Variants in CADM2 observed in about 807,000 individuals in gnomAD.
CADM2 encodes immunoglobulin superfamily member 4D.
A neutral mutation model predicts 49.8 loss-of-function variants in CADM2; 12 were observed. That is an observed-to-expected ratio of 0.24 (90% CI 0.15 to 0.39). CADM2 has a LOEUF of 0.39. Among genes scored for constraint, CADM2 ranks in the 10% least tolerant of loss-of-function variants. CADM2 has a pLI of 1.00. For synonymous variants in CADM2, 214 were observed against 175.4 expected, an observed-to-expected ratio of 1.22 and a Z score of -1.74; for missense variants, 378 against 492.3, an observed-to-expected ratio of 0.77 and a Z score of 2.20.
At position 85,864,750 on chromosome 3, in the gene CADM2, C is replaced by T. The variant is rs141834066; in HGVS notation, c.239-18541C>T. Among the ~76,000 whole-genome samples the T allele has an allele frequency of 8.3e-3, 1,265 of 152,242 alleles. 16 individuals carry two copies. The highest frequency in any genetic ancestry group is 0.031 in the Middle Eastern group (9 of 294). On this transcript the variant is annotated intron_variant, in intron 3 of 9. Coordinates refer to ENST00000383699, the MANE Select transcript of CADM2 (RefSeq NM_001167675.2). ...TTTATGTCAATGGAAATTATTCCTTCGTTTATCACTGGAAGCATCTTAAAC... is the reference window on the plus strand; with the variant it reads ...TTTATGTCAATGGAAATTATTCCTTTGTTTATCACTGGAAGCATCTTAAAC...
chr3:85,278,689 T>C (rs2043418298), intron 1 of CADM2, among the ~76,000 whole-genome samples: 1 of 149,666 alleles, frequency 6.7e-6, no homozygotes. Flanking sequence ...TCAGAGACGG[T>C]GTATGAAATG....
chr3:84,999,252 T>C (rs2033333541), intron 1 of CADM2, among the ~76,000 whole-genome samples: 1 of 152,160 alleles, frequency 6.6e-6, no homozygotes, highest in Admixed American at 6.6e-5. Flanking sequence ...CTTGGGAAAA[T>C]ACAGGGTTAG....
At chr3:85,074,589 T>C (rs2036872200) in intron 1 of CADM2, among the ~76,000 whole-genome samples, 2 of 152,170 alleles carry the variant, frequency 1.3e-5, no homozygotes, top group African/African-American at 2.4e-5. Flanking sequence ...AATATGTTTC[T>C]GTTGAATTAA....
At chr3:84,964,151 C>T (rs956672360) in intron 1 of CADM2, among the ~76,000 whole-genome samples, 4 of 152,108 alleles carry the variant, frequency 2.6e-5, no homozygotes, top group Non-Finnish European at 4.4e-5. Context: ...GTTCTTGTGT[C>T]CTTCATTAGA....
intron 1 of CADM2, among the ~76,000 whole-genome samples, chr3:85,480,469 G>A (rs558132623): frequency 6.6e-6 from 1 of 151,810 alleles, no homozygotes; most frequent in Non-Finnish European, 1.5e-5. Context: ...ATATTTGCGT[G>A]ACTCAGGCGT....
chr3:85,526,900 T>A (rs1321434726), intron 1 of CADM2, among the ~76,000 whole-genome samples: 1 of 152,154 alleles, frequency 6.6e-6, no homozygotes, highest in African/African-American at 2.4e-5. Flanking sequence ...ACAAAATGAG[T>A]AAGAATTTGT....
intron 8 of CADM2, among the ~76,000 whole-genome samples, chr3:86,057,774 G>C (rs529722593): frequency 1.3e-4 from 20 of 152,198 alleles, no homozygotes; most frequent in African/African-American, 4.8e-4. Context: ...ACAGGATGAA[G>C]AAGCATAAAT....
chr3:85,095,412 C>T (rs2037757127), intron 1 of CADM2, among the ~76,000 whole-genome samples: 1 of 152,056 alleles, frequency 6.6e-6, no homozygotes, highest in Non-Finnish European at 1.5e-5. Flanking sequence ...GCAGTAGGCT[C>T]AGAAAGAAAC....
rs1316636653 is a variant in CADM2, at chr3:86,068,481, A to T, written c.*1698A>T. 2 of 151,944 alleles carry T rather than the reference A, an allele frequency of 1.3e-5. No individual in the cohort carries two copies. The highest frequency in any genetic ancestry group is 2.9e-5 in the Non-Finnish European group (2 of 67,836). 9.4% of individuals were successfully genotyped at this position (151,944 alleles called of 1,614,324 possible). On this transcript the variant is annotated 3_prime_UTR_variant, in exon 10 of 10. Transcript: ENST00000383699. ...TGTGATGTCTGACGCATGATGGCCT[A>T]TGGTTTTAAAAATAGTATTGTGGAA...
intron 1 of CADM2, among the ~76,000 whole-genome samples, chr3:85,456,021 G>A (rs1250149094): frequency 1.3e-5 from 2 of 152,172 alleles, no homozygotes; most frequent in African/African-American, 4.8e-5. Context: ...ACATTTGATA[G>A]TGAAGAACTT....
At chr3:85,288,279 T>C (rs1012126751) in intron 1 of CADM2, among the ~76,000 whole-genome samples, 1 of 152,074 alleles carries the variant, frequency 6.6e-6, no homozygotes, top group African/African-American at 2.4e-5. Flanking sequence ...CAAGTGTATA[T>C]GGAATTATGA....
intron 2 of CADM2, among the ~76,000 whole-genome samples, chr3:85,794,511 TAGA>T (rs2071510795): frequency 6.6e-6 from 1 of 152,164 alleles, no homozygotes; most frequent in African/African-American, 2.4e-5. Flanking sequence ...AAGTAAACAC[TAGA>T]AGGAGAGGAA....
At position 86,073,066 on chromosome 3, in the gene CADM2, G is replaced by A. The variant is rs1703373459; in HGVS notation, c.*6283G>A. On this transcript the variant is annotated 3_prime_UTR_variant, in exon 10 of 10. Transcript: ENST00000383699. ...ATATTGCATTCACATCAATATTTGT[G>A]AATTTGTTGTTCAGCTTTTCATTCA... 6.6e-6 allele frequency: 1 copy of A among 151,944 alleles called. No individual in the cohort carries two copies. The highest frequency in any genetic ancestry group is 1.5e-5 in the Non-Finnish European group (1 of 67,930). 9.4% of individuals were successfully genotyped at this position (151,944 alleles called of 1,614,324 possible).
At chr3:85,966,465 C>G (rs1725485332) in intron 8 of CADM2, among the ~76,000 whole-genome samples, 1 of 151,586 alleles carries the variant, frequency 6.6e-6, no homozygotes, top group Non-Finnish European at 1.5e-5. Context: ...ATTATTTTCT[C>G]CTTGTATGAA....
At chr3:85,585,265 T>A (rs2062908928) in intron 1 of CADM2, among the ~76,000 whole-genome samples, 1 of 151,926 alleles carries the variant, frequency 6.6e-6, no homozygotes, top group Non-Finnish European at 1.5e-5. Flanking sequence ...ACCCTTACTG[T>A]AATTTGGATC....
At chr3:85,659,949 G>A (rs1013868061) in intron 1 of CADM2, among the ~76,000 whole-genome samples, 2 of 152,148 alleles carry the variant, frequency 1.3e-5, no homozygotes, top group Non-Finnish European at 2.9e-5. Flanking sequence ...GAATTAAAAT[G>A]TCTTCTTATG....
chr3:85,308,679 A>G (rs910760786), intron 1 of CADM2, among the ~76,000 whole-genome samples: 3 of 152,030 alleles, frequency 2.0e-5, no homozygotes, highest in Admixed American at 2.0e-4. Flanking sequence ...GTGTATGAAG[A>G]CAGAGCAGTG....
chr3:85,229,976 A>G (rs1322707189), intron 1 of CADM2, among the ~76,000 whole-genome samples: 1 of 152,206 alleles, frequency 6.6e-6, no homozygotes, highest in Non-Finnish European at 1.5e-5. Flanking sequence ...GTGTTATTAA[A>G]CTGATGAGAA....
intron 1 of CADM2, among the ~76,000 whole-genome samples, chr3:85,607,658 ATT>A (rs558654126): frequency 6.8e-6 from 1 of 146,192 alleles, no homozygotes; most frequent in Non-Finnish European, 1.5e-5. Flanking sequence ...CAAAATAATT[ATT>A]TTTTTTTTTT....
Sources: gnomAD v4.1 joint callset for allele counts (sites outside exome capture counted in the v4.1 genomes callset) on GRCh38, gnomAD v4.1.1 for gene constraint, MANE v1.5 for transcripts, NCBI Gene and HGNC (gene_info 2026-07-23, HGNC 2026-07-21) for gene names.